IGSF5: variants seen among roughly 807,000 people sequenced by gnomAD.
IGSF5 encodes the protein immunoglobulin superfamily 5 like.
Under a neutral mutation model 39.4 loss-of-function variants are expected in IGSF5, and 41 were observed. That is an observed-to-expected ratio of 1.04 (90% CI 0.81 to 1.35). IGSF5 has a LOEUF of 1.35. IGSF5 is among the 40% of genes most tolerant of loss of function. The pLI is 0.00. For missense variants in IGSF5, 487 were observed against 494.6 expected, an observed-to-expected ratio of 0.98 and a Z score of 0.15; for synonymous variants, 183 against 175.3, an observed-to-expected ratio of 1.04 and a Z score of -0.34.
chr21:39,784,810 CA>C (rs1311887114), intron 5 of IGSF5, among the ~76,000 whole-genome samples: 6 of 152,110 alleles, frequency 3.9e-5, no homozygotes, highest in Non-Finnish European at 8.8e-5. Flanking sequence ...CATTAAACAT[CA>C]AAAATTTTCA....
chr21:39,797,105 C>T (rs755898678), intron 8 of IGSF5, among the ~76,000 whole-genome samples: 1 of 152,156 alleles, frequency 6.6e-6, no homozygotes, highest in Non-Finnish European at 1.5e-5. Context: ...TTTCTAGGTC[C>T]TCAATAAACA....
intron 3 of IGSF5, among the ~76,000 whole-genome samples, chr21:39,768,159 C>T (rs774807352): frequency 2.0e-4 from 30 of 152,156 alleles, no homozygotes; most frequent in Admixed American, 2.0e-4. Flanking sequence ...CAAGATATTG[C>T]GAGAGGAACC....
At chr21:39,744,871 G>T (rs1348471658), upstream of IGSF5, among the ~76,000 whole-genome samples, 1 of 152,236 alleles carries the variant, frequency 6.6e-6, no homozygotes, top group Non-Finnish European at 1.5e-5. Context: ...TCATCCGTGG[G>T]TTACTGGGTT....
At chr21:39,762,057 C>T (rs1480552108) in intron 2 of IGSF5, among the ~76,000 whole-genome samples, 1 of 152,016 alleles carries the variant, frequency 6.6e-6, no homozygotes, top group Non-Finnish European at 1.5e-5. Flanking sequence ...GGGCAGGGCT[C>T]GAGATGTGGA....
intron 5 of IGSF5, among the ~76,000 whole-genome samples, chr21:39,787,453 C>A (rs1326976333): frequency 6.6e-6 from 1 of 151,670 alleles, no homozygotes; most frequent in Non-Finnish European, 1.5e-5. Context: ...AGGTTGGGGA[C>A]TTGATCTGTG....
chr21:39,732,213 C>G, the IGSF5 span, among the ~76,000 whole-genome samples: 9 of 152,160 alleles, frequency 5.9e-5, no homozygotes. Context: ...GAGCCCTGCC[C>G]AGATTGCAAA....
chr21:39,725,091 T>C, the IGSF5 span, among the ~76,000 whole-genome samples: 1,324 of 152,356 alleles, frequency 8.7e-3, 91 homozygotes, highest in East Asian at 0.17. Context: ...TGTTCTCTGC[T>C]AAATGTGCCT....
At chr21:39,723,914 A>G in the IGSF5 span, among the ~76,000 whole-genome samples, 1 of 152,026 alleles carries the variant, frequency 6.6e-6, no homozygotes, top group Non-Finnish European at 1.5e-5. Flanking sequence ...TGAGAGGCTG[A>G]GGCAGGTGGA....
At chr21:39,757,774 G>A (rs1046769672) in intron 2 of IGSF5, among the ~76,000 whole-genome samples, 5 of 152,044 alleles carry the variant, frequency 3.3e-5, no homozygotes, top group East Asian at 3.9e-4. Flanking sequence ...ATGGGGTTTC[G>A]CCATGTTGGC....
chr21:39,796,570 G>T (rs1816585046), intron 8 of IGSF5, among the ~76,000 whole-genome samples: 1 of 152,210 alleles, frequency 6.6e-6, no homozygotes, highest in Admixed American at 6.5e-5. Flanking sequence ...GCATGCCTCA[G>T]TATGACTCCA....
intron 8 of IGSF5, among the ~76,000 whole-genome samples, chr21:39,795,336 G>T (rs2086989463): frequency 6.6e-6 from 1 of 151,992 alleles, no homozygotes; most frequent in Non-Finnish European, 1.5e-5. Flanking sequence ...TGGCTGAGGG[G>T]CTCGCTCCCA....
At chr21:39,782,065 C>T (rs1189548682) in intron 5 of IGSF5, among the ~76,000 whole-genome samples, 1 of 152,010 alleles carries the variant, frequency 6.6e-6, no homozygotes, top group Non-Finnish European at 1.5e-5. Flanking sequence ...AAGCAGTTGT[C>T]CCGGCAGCAT....
chr21:39,736,275 A>G, the IGSF5 span, among the ~76,000 whole-genome samples: 10 of 152,236 alleles, frequency 6.6e-5, no homozygotes, highest in East Asian at 1.7e-3. Context: ...CCCTCCATCA[A>G]CAGTTCCTTC....
chr21:39,800,493 T>A (rs963109430), intron 8 of IGSF5, among the ~76,000 whole-genome samples: 2 of 152,248 alleles, frequency 1.3e-5, no homozygotes, highest in African/African-American at 2.4e-5. Context: ...CTTAAAGCAC[T>A]GCTGACATAG....
chr21:39,777,235 T>C (rs1023731777), intron 4 of IGSF5, among the ~76,000 whole-genome samples: 1 of 152,122 alleles, frequency 6.6e-6, no homozygotes, highest in African/African-American at 2.4e-5. Context: ...ATCACATCTG[T>C]GGGAGGGGGA....
chr21:39,714,427 A>G, the IGSF5 span, among the ~76,000 whole-genome samples: 1 of 152,230 alleles, frequency 6.6e-6, no homozygotes, highest in African/African-American at 2.4e-5. Flanking sequence ...CCACTGTGAT[A>G]GCTCTTACTC....
chr21:39,730,556 G>A, the IGSF5 span: 1 of 151,982 alleles, frequency 6.6e-6, no homozygotes, highest in Admixed American at 6.6e-5. Context: ...CACGACTAAG[G>A]CCAACAATAA....
chr21:39,767,124 T>C (rs2080091012), intron 3 of IGSF5, among the ~76,000 whole-genome samples: 1 of 152,218 alleles, frequency 6.6e-6, no homozygotes, highest in African/African-American at 2.4e-5. Context: ...CATAACCAGA[T>C]TCTTATTATG....
intron 3 of IGSF5, 124 bp downstream of exon 3, chr21:39,765,976 A>G: frequency 1.2e-6 from 1 of 850,062 alleles, no homozygotes; most frequent in Non-Finnish European, 1.8e-6. Context: ...TTGACCTACA[A>G]TTATTCTGAA....
Sources: gnomAD v4.1 joint callset for allele counts (sites outside exome capture counted in the v4.1 genomes callset) on GRCh38, gnomAD v4.1.1 for gene constraint, MANE v1.5 for transcripts, NCBI Gene and HGNC (gene_info 2026-07-23, HGNC 2026-07-21) for gene names.